UPF1: variants seen among roughly 807,000 people sequenced by gnomAD.
UPF1 encodes UPF1 RNA helicase and ATPase.
UPF1 carries 9 observed loss-of-function variants against 129.2 expected under a neutral mutation model. The observed-to-expected ratio is 0.07, with a 90% CI of 0.04 to 0.12. The LOEUF is 0.12. Ranked by LOEUF, UPF1 falls within the 10% of genes least tolerant of loss-of-function variation. The pLI is 1.00. For synonymous variants in UPF1, 649 were observed against 644.9 expected (o/e 1.01, Z -0.10); for missense variants, 788 against 1,525.3 (o/e 0.52, Z 8.05).
intron 18 of UPF1, 25 bp downstream of exon 18, chr19:18,862,177 T>C (rs202160404): frequency 2.5e-5 from 40 of 1,609,646 alleles, no homozygotes; most frequent in East Asian, 4.5e-5. Flanking sequence ...TGCTGCATGC[T>C]GCCCAGCCGC....
intron 20 of UPF1, 29 bp downstream of exon 20, chr19:18,864,280 A>C (rs768122254): frequency 1.3e-6 from 2 of 1,588,866 alleles, no homozygotes; most frequent in Non-Finnish European, 1.7e-6. Context: ...GACCTGGCCG[A>C]CCCCTTGTCC....
intron 1 of UPF1, among the ~76,000 whole-genome samples, chr19:18,845,395 T>C (rs1162888063): frequency 6.6e-6 from 1 of 152,216 alleles, no homozygotes; most frequent in Non-Finnish European, 1.5e-5. Context: ...CCATGCGCTG[T>C]CTGCCTTTGC....
In UPF1 at chr19:18,865,949, G is replaced by A. The variant is rs1004015801; in HGVS notation, c.3238-95G>A. ...GTCTCCTGGGTCTTAGTTTGGGGAC[G>A]GGTTTTCCATTCTTTTCTCTGGGGC... On this transcript the variant is annotated intron_variant, in intron 22 of 23. Coordinates refer to ENST00000262803, the MANE Select transcript of UPF1 (RefSeq NM_002911.4). This position sits in a 1 kb window ranked among gnomAD's most constrained non-coding sequence, Gnocchi z 6.1. 8.3e-5 allele frequency: 132 copies of A among 1,594,486 alleles called. No homozygotes were observed. The highest frequency in any genetic ancestry group is 1.6e-4 in the East Asian group (7 of 44,768).
At chr19:18,849,110 A>AT (rs1156606111) in intron 3 of UPF1, 11 of 152,312 alleles carry the variant, frequency 7.2e-5, no homozygotes, top group African/African-American at 2.7e-4. Flanking sequence ...GAGACAGCTG[A>AT]TTCTGCCCAC....
Position 18,832,435 on chromosome 19 carries a change from G to C in UPF1, c.226G>C (p.Ala76Pro). 1 of 996,420 alleles carries C rather than the reference G, an allele frequency of 1.0e-6. No homozygotes were observed. The highest frequency in any genetic ancestry group is 1.2e-6 in the Non-Finnish European group (1 of 837,674). The allele number at this position is 996,420 out of a possible 1,614,324, so 61.7% of individuals were successfully genotyped here. A position where few individuals can be genotyped will look rare whatever the true frequency, so the allele number is the denominator to read the frequency against. The stretch of plus-strand genomic sequence containing the variant: ...GGGCGCTGCGGCGGGACAGCTCGAC[G>C]CGCAGGTGAGCGGCACATGGCGGTG... ...GAGAAAGQLD[A>P]QVGPEGILQN... Residue 76 changes from alanine to proline, a missense_variant, in exon 1 of 24, where the codon GCG becomes CCG. This residue lies in a region of UPF1 where 112 missense variants were observed against 128.2 expected (regional missense o/e 0.87). Coordinates refer to ENST00000262803, the MANE Select transcript of UPF1 (RefSeq NM_002911.4). This position sits in a 1 kb window ranked among gnomAD's most constrained non-coding sequence, Gnocchi z 5.6.
Position 18,853,171 on chromosome 19 carries a change from G to A in UPF1, c.1058-81G>A. ...AAATTCCTAGTTCCACCCTTGTAAA[G>A]TGCCCCTTAATTTGAACTCTCCCTG... On this transcript the variant is annotated intron_variant, in intron 7 of 23. Transcript: ENST00000262803. The surrounding 1 kb of genome is among the most constrained non-coding windows in gnomAD (Gnocchi z 4.4). 1 of 1,595,504 alleles carries A rather than the reference G, an allele frequency of 6.3e-7. No homozygotes were observed. Among genetic ancestry groups the A allele is most frequent in the Non-Finnish European group, 8.6e-7 (1 of 1,167,056 alleles).
Position 18,850,874 on chromosome 19 carries a change from G to T in UPF1, c.810+6G>T. 1.3e-6 allele frequency: 2 copies of T among 1,566,672 alleles called. No individual in the cohort carries two copies. ...AGCTGGAGGAGCTGTGGAAGGTGGGGCTGCCCAGCGGGCCGACCCGTGCCT... is the reference window on the plus strand; with the variant it reads ...AGCTGGAGGAGCTGTGGAAGGTGGGTCTGCCCAGCGGGCCGACCCGTGCCT... On this transcript the variant is annotated splice_donor_region_variant and intron_variant, in intron 5 of 23. Coordinates refer to ENST00000262803, the MANE Select transcript of UPF1 (RefSeq NM_002911.4). This position sits in a 1 kb window ranked among gnomAD's most constrained non-coding sequence, Gnocchi z 7.1.
chr19:18,854,804 C>T, intron 9 of UPF1, 75 bp from the exon 10 acceptor site: 1 of 1,606,522 alleles, frequency 6.2e-7, no homozygotes. Flanking sequence ...GGTTCCCCAC[C>T]CAGCTCTGCA....
At chr19:18,857,124 T>C (rs2145961091) in intron 14 of UPF1, 104 bp downstream of exon 14, 2 of 1,531,034 alleles carry the variant, frequency 1.3e-6, no homozygotes, top group South Asian at 1.3e-5. Flanking sequence ...CAGCAGAGTG[T>C]GCGCACACTG....
intron 2 of UPF1, among the ~76,000 whole-genome samples, chr19:18,846,909 A>C (rs2055606511): frequency 6.6e-6 from 1 of 152,156 alleles, no homozygotes; most frequent in South Asian, 2.1e-4. Context: ...CAGGAGAATG[A>C]CATGAACCCG....
chr19:18,868,131 T>C lies in UPF1; in HGVS notation c.*1614T>C, dbSNP rs942119307. 4 of 185,700 alleles carry C rather than the reference T, an allele frequency of 2.2e-5. No homozygotes were observed. In the East Asian group the frequency reaches 5.6e-4, roughly 26 times the overall value. The allele number at this position is 185,700 out of a possible 1,614,324, so 11.5% of individuals were successfully genotyped here. On this transcript the variant is annotated 3_prime_UTR_variant, in exon 24 of 24. Transcript: ENST00000262803. ...TTCTCCAGCTTTGTAGCAGCAGCCTTGACAAACCCAGGCGCACTGTACCAA... is the reference window on the plus strand; with the variant it reads ...TTCTCCAGCTTTGTAGCAGCAGCCTCGACAAACCCAGGCGCACTGTACCAA...
chr19:18,865,263 C>T lies in UPF1; in HGVS notation c.2858-26C>T. ...GGGGTTTGACCGAGGCAGGTGACAC[C>T]TGCCGTGTTCCACTGTGATTTGCAG... On this transcript the variant is annotated intron_variant, in intron 20 of 23. Coordinates refer to ENST00000262803, the MANE Select transcript of UPF1 (RefSeq NM_002911.4). The surrounding 1 kb of genome is among the most constrained non-coding windows in gnomAD (Gnocchi z 6.1). 1 of 1,586,146 alleles carries T rather than the reference C, an allele frequency of 6.3e-7. No individual in the cohort carries two copies. Among genetic ancestry groups the T allele is most frequent in the South Asian group, 1.1e-5 (1 of 89,244 alleles).
intron 1 of UPF1, among the ~76,000 whole-genome samples, chr19:18,842,314 A>G (rs1198347641): frequency 6.6e-6 from 1 of 152,188 alleles, no homozygotes; most frequent in Non-Finnish European, 1.5e-5. Context: ...GTGAATGTGT[A>G]TTAACCAACA....
intron 14 of UPF1, 143 bp downstream of exon 14, chr19:18,857,163 G>A (rs191898081): frequency 4.0e-6 from 6 of 1,487,726 alleles, no homozygotes; most frequent in East Asian, 2.3e-5. Flanking sequence ...TATAGAGGGT[G>A]GGTTCTGCCA....
intron 18 of UPF1, among the ~76,000 whole-genome samples, chr19:18,862,444 C>T (rs984620098): frequency 6.6e-6 from 1 of 152,052 alleles, no homozygotes; most frequent in Non-Finnish European, 1.5e-5. Flanking sequence ...AAGTTTTGGT[C>T]CTGTCCACTA....
chr19:18,846,637 G>T (rs976209145), intron 2 of UPF1, among the ~76,000 whole-genome samples: 4 of 152,112 alleles, frequency 2.6e-5, no homozygotes, highest in Non-Finnish European at 4.4e-5. Flanking sequence ...ATCGTCCCTT[G>T]TTGAGGCTTA....
chr19:18,838,651 A>G (rs1314362741), intron 1 of UPF1, among the ~76,000 whole-genome samples: 1 of 152,150 alleles, frequency 6.6e-6, no homozygotes. Flanking sequence ...TCCATCTTAA[A>G]AAAAAAAAAT....
chr19:18,845,199 T>G (rs1325101856), intron 1 of UPF1, among the ~76,000 whole-genome samples: 1 of 152,262 alleles, frequency 6.6e-6, no homozygotes, highest in Non-Finnish European at 1.5e-5. Flanking sequence ...CACCTTGTGT[T>G]CTGCCATGAC....
At chr19:18,842,047 T>C (rs2055547616) in intron 1 of UPF1, among the ~76,000 whole-genome samples, 1 of 152,114 alleles carries the variant, frequency 6.6e-6, no homozygotes, top group Admixed American at 6.6e-5. Context: ...CAGTGAGCTA[T>C]GATTCTACCA....
Sources: gnomAD v4.1 joint callset for allele counts (sites outside exome capture counted in the v4.1 genomes callset) on GRCh38, gnomAD v4.1.1 for gene constraint, gnomAD v4.1.1 regional missense constraint, Gnocchi (gnomAD v3.1) non-coding constraint, MANE v1.5 for transcripts, NCBI Gene and HGNC (gene_info 2026-07-23, HGNC 2026-07-21) for gene names.